OPCML: variants seen among roughly 807,000 people sequenced by gnomAD.
OPCML encodes opioid-binding protein/cell adhesion molecule.
In OPCML, 13 loss-of-function variants were observed where a neutral mutation model predicts 37.8. That is an observed-to-expected ratio of 0.34 (90% CI 0.22 to 0.55). The LOEUF (loss-of-function observed/expected upper bound fraction) is 0.55. OPCML is among the 20% of genes least tolerant of loss of function. The pLI is 0.91. For missense variants in OPCML, 341 were observed against 435.6 expected, an observed-to-expected ratio of 0.78 and a Z score of 1.93; for synonymous variants, 176 against 168.8, an observed-to-expected ratio of 1.04 and a Z score of -0.33.
intron 1 of OPCML, among the ~76,000 whole-genome samples, chr11:133,351,139 C>T (rs577044436): frequency 1.8e-4 from 28 of 152,298 alleles, no homozygotes; most frequent in South Asian, 8.3e-4. Context: ...CGATTTGCCA[C>T]GGTTATTTTA....
intron 3 of OPCML, among the ~76,000 whole-genome samples, chr11:132,539,455 G>T (rs370954855): frequency 1.4e-4 from 21 of 152,288 alleles, no homozygotes; most frequent in African/African-American, 4.3e-4. Flanking sequence ...TAAACCCTGA[G>T]ATTTTCAATC....
chr11:132,795,113 C>G (rs1202034660), intron 2 of OPCML, among the ~76,000 whole-genome samples: 2 of 151,950 alleles, frequency 1.3e-5, no homozygotes, highest in African/African-American at 2.4e-5. Flanking sequence ...CACACACACA[C>G]AGACACACAC....
chr11:132,642,941 T>C (rs777967781), intron 3 of OPCML, among the ~76,000 whole-genome samples: 2 of 152,090 alleles, frequency 1.3e-5, no homozygotes, highest in African/African-American at 4.8e-5. Flanking sequence ...TACCTCAAAA[T>C]TAGAGCACTT....
At chr11:132,441,641 G>T (rs2096035890) in intron 4 of OPCML, among the ~76,000 whole-genome samples, 1 of 152,190 alleles carries the variant, frequency 6.6e-6, no homozygotes. Context: ...TAACAAGGTT[G>T]GAAGCAACAG....
chr11:133,090,779 C>T (rs909563355), intron 1 of OPCML, among the ~76,000 whole-genome samples: 1 of 152,084 alleles, frequency 6.6e-6, no homozygotes, highest in African/African-American at 2.4e-5. Flanking sequence ...GAAAGCAGAA[C>T]TTAAAGATTG....
chr11:133,290,853 G>T (rs1942454056), intron 1 of OPCML, among the ~76,000 whole-genome samples: 1 of 152,200 alleles, frequency 6.6e-6, no homozygotes, highest in African/African-American at 2.4e-5. Context: ...TTTAAGCCCT[G>T]TGAGGCCACA....
rs140786456 is a variant in OPCML, at chr11:133,116,671, G to A, written c.62-173661C>T. ...ATTAGGAGGCATGTGAAATAGGTTT[G>A]TTCCATTACTGGTGATGTTCACTTT... On this transcript the variant is annotated intron_variant, in intron 1 of 7. Transcript: ENST00000524381. Among the ~76,000 whole-genome samples the A allele has an allele frequency of 8.9e-4, 136 of 152,218 alleles. 1 individual carries two copies. Among genetic ancestry groups the A allele is most frequent in the Admixed American group, 4.7e-3 (72 of 15,298 alleles).
intron 1 of OPCML, among the ~76,000 whole-genome samples, chr11:133,142,750 G>A (rs1280280910): frequency 6.6e-6 from 1 of 152,078 alleles, no homozygotes; most frequent in Non-Finnish European, 1.5e-5. Context: ...AGTAGGGTGA[G>A]CATGGCATAG....
chr11:132,743,806 G>T (rs1043695576), intron 2 of OPCML, among the ~76,000 whole-genome samples: 1 of 152,134 alleles, frequency 6.6e-6, no homozygotes, highest in African/African-American at 2.4e-5. Flanking sequence ...AGCCTTAAAA[G>T]TTTCCCATTA....
chr11:133,120,979 G>A (rs1949411551), intron 1 of OPCML, among the ~76,000 whole-genome samples: 1 of 152,170 alleles, frequency 6.6e-6, no homozygotes, highest in African/African-American at 2.4e-5. Flanking sequence ...CTGGGGTACA[G>A]TGGTGTGATC....
chr11:132,472,957 T>C (rs1378736509), intron 4 of OPCML, among the ~76,000 whole-genome samples: 1 of 152,234 alleles, frequency 6.6e-6, no homozygotes, highest in Admixed American at 6.5e-5. Context: ...AGGGGATTCT[T>C]TCTATGTATC....
chr11:132,994,442 G>C (rs1404276569), intron 1 of OPCML, among the ~76,000 whole-genome samples: 2 of 152,168 alleles, frequency 1.3e-5, no homozygotes, highest in Non-Finnish European at 2.9e-5. Context: ...AGCTGCTGGG[G>C]GCTCGCCGTG....
intron 4 of OPCML, among the ~76,000 whole-genome samples, chr11:132,497,539 C>T (rs1331606387): frequency 6.6e-6 from 1 of 151,846 alleles, no homozygotes; most frequent in South Asian, 2.1e-4. Flanking sequence ...CTCAGTGATT[C>T]GGAAGCCTTC....
At chr11:133,207,771 C>G (rs1418723193) in intron 1 of OPCML, among the ~76,000 whole-genome samples, 3 of 152,050 alleles carry the variant, frequency 2.0e-5, no homozygotes, top group East Asian at 3.9e-4. Flanking sequence ...ATTTGGCAGC[C>G]CAGGCTTCTA....
At chr11:133,233,112 G>A (rs1283282018) in intron 1 of OPCML, among the ~76,000 whole-genome samples, 1 of 152,146 alleles carries the variant, frequency 6.6e-6, no homozygotes, top group Non-Finnish European at 1.5e-5. Flanking sequence ...TAGCAGCTAA[G>A]CTTATTCCTA....
chr11:133,518,457 G>GTGTGTATAAGTGTGTGCATGGATGTT (rs915683590), intron 1 of OPCML, among the ~76,000 whole-genome samples: 2 of 152,024 alleles, frequency 1.3e-5, no homozygotes, highest in Admixed American at 6.6e-5. Context: ...ATGGGTATTT[G>GTGTGTATAAGTGTGTGCATGGATGTT]TGTGTATAAG....
intron 1 of OPCML, chr11:133,422,874 G>C: frequency 1.0e-6 from 1 of 954,348 alleles, no homozygotes; most frequent in Non-Finnish European, 1.2e-6. Context: ...TAAGAAATCT[G>C]AGGCTTAGGA....
chr11:132,803,452 C>T (rs1053179928), intron 2 of OPCML, among the ~76,000 whole-genome samples: 2 of 152,134 alleles, frequency 1.3e-5, no homozygotes, highest in Non-Finnish European at 2.9e-5. Flanking sequence ...GAATGAATCC[C>T]ACTACCATTC....
chr11:132,724,563 C>T (rs771006330), intron 2 of OPCML, among the ~76,000 whole-genome samples: 2 of 152,090 alleles, frequency 1.3e-5, no homozygotes, highest in Non-Finnish European at 2.9e-5. Context: ...CCCCCGCACC[C>T]CACAAATCTC....
Sources: allele counts gnomAD v4.1 joint callset (sites outside exome capture counted in the v4.1 genomes callset), GRCh38; gene constraint gnomAD v4.1.1; transcripts MANE v1.5; gene names NCBI Gene and HGNC (gene_info 2026-07-23, HGNC 2026-07-21).